PCDH9: variants seen among roughly 807,000 people sequenced by gnomAD.
PCDH9 encodes the protein protocadherin-9.
PCDH9 carries 24 observed loss-of-function variants against 70.6 expected under a neutral mutation model. The ratio of observed to expected loss-of-function variants is 0.34; its 90% CI spans 0.25 to 0.48. The LOEUF (loss-of-function observed/expected upper bound fraction) is 0.48, where lower values mean the gene tolerates loss of function less well. PCDH9 is among the 20% of genes least tolerant of loss of function. The pLI is 0.99. For missense variants in PCDH9, 1,281 were observed against 1,503.6 expected, an observed-to-expected ratio of 0.85 and a Z score of 2.45; for synonymous variants, 562 against 558.5, an observed-to-expected ratio of 1.01 and a Z score of -0.09.
chr13:66,725,449 G>A (rs1055145687), intron 3 of PCDH9, among the ~76,000 whole-genome samples: 1 of 152,104 alleles, frequency 6.6e-6, no homozygotes, highest in Non-Finnish European at 1.5e-5. Context: ...CAGAGTGAAT[G>A]ACAAGCTTTT....
intron 2 of PCDH9, among the ~76,000 whole-genome samples, chr13:67,168,417 GT>G: frequency 6.6e-6 from 1 of 152,244 alleles, no homozygotes; most frequent in African/African-American, 2.4e-5. Context: ...AAGAATATCA[GT>G]GACCTTAAAA....
chr13:66,963,171 G>GT (rs2083376188), intron 2 of PCDH9, among the ~76,000 whole-genome samples: 2 of 152,240 alleles, frequency 1.3e-5, no homozygotes, highest in Non-Finnish European at 2.9e-5. Flanking sequence ...GAGAGCAGCT[G>GT]TAAGTACAGA....
chr13:66,608,545 C>T (rs527936503), intron 4 of PCDH9, among the ~76,000 whole-genome samples: 4 of 151,858 alleles, frequency 2.6e-5, no homozygotes, highest in Admixed American at 1.3e-4. Context: ...GAGGACAAGT[C>T]GCATCATTCA....
At chr13:66,550,233 T>G (rs1260431918) in intron 4 of PCDH9, among the ~76,000 whole-genome samples, 1 of 152,098 alleles carries the variant, frequency 6.6e-6, no homozygotes, top group African/African-American at 2.4e-5. Context: ...CAGGAATAAA[T>G]TCAAGTAATA....
chr13:66,652,139 A>G (rs2138993263), intron 3 of PCDH9, among the ~76,000 whole-genome samples: 1 of 152,212 alleles, frequency 6.6e-6, no homozygotes, highest in South Asian at 2.1e-4. Context: ...CATATTACTG[A>G]AAATCCTAGT....
chr13:67,194,201 T>C (rs1278937097), intron 2 of PCDH9, among the ~76,000 whole-genome samples: 2 of 152,158 alleles, frequency 1.3e-5, no homozygotes, highest in Admixed American at 6.5e-5. Flanking sequence ...TATTGACTTG[T>C]TGATTACTGC....
Position 66,740,688 on chromosome 13 carries a change from T to TG in PCDH9, c.3139-109278_3139-109277insC, listed in dbSNP as rs1452437457. On this transcript the variant is annotated intron_variant, in intron 3 of 4. Coordinates refer to ENST00000377865, the MANE Select transcript of PCDH9 (RefSeq NM_203487.3). The stretch of plus-strand genomic sequence containing the variant: ...CCACTGATCCCACAGAAATACAAAC[T>TG]ACCATCAGAGAATACTACAAACAAC... 2.4e-4 allele frequency among the ~76,000 whole-genome samples: 37 copies of TG among 151,788 alleles called. 1 individual carries two copies. Among genetic ancestry groups the TG allele is most frequent in the Admixed American group, 2.4e-3 (37 of 15,230 alleles).
At chr13:66,780,460 A>T (rs2079980478) in intron 3 of PCDH9, among the ~76,000 whole-genome samples, 1 of 152,138 alleles carries the variant, frequency 6.6e-6, no homozygotes, top group African/African-American at 2.4e-5. Context: ...GCCATTCTTT[A>T]AGCAACCAGA....
At chr13:67,028,302 G>A (rs879699505) in intron 2 of PCDH9, among the ~76,000 whole-genome samples, 371 of 147,364 alleles carry the variant, frequency 2.5e-3, no homozygotes, top group Non-Finnish European at 3.3e-3. Context: ...ATCATTCTCA[G>A]TAAACTATCG....
chr13:66,587,733 A>T (rs1448752485), intron 4 of PCDH9, among the ~76,000 whole-genome samples: 1 of 151,792 alleles, frequency 6.6e-6, no homozygotes, highest in Non-Finnish European at 1.5e-5. Flanking sequence ...TTCCTAAATG[A>T]TCTTTTTTCA....
At chr13:66,490,028 C>G (rs765791610) in intron 4 of PCDH9, among the ~76,000 whole-genome samples, 18 of 152,184 alleles carry the variant, frequency 1.2e-4, no homozygotes, top group Non-Finnish European at 2.1e-4. Context: ...ATGTGCACAA[C>G]GTGCAGATTT....
chr13:67,157,671 GA>G (rs890834589), intron 2 of PCDH9, among the ~76,000 whole-genome samples: 1 of 152,006 alleles, frequency 6.6e-6, no homozygotes, highest in Non-Finnish European at 1.5e-5. Context: ...GAGAATTAAT[GA>G]AAAAAATACA....
chr13:66,487,403 T>C (rs1958961750), intron 4 of PCDH9, among the ~76,000 whole-genome samples: 1 of 152,198 alleles, frequency 6.6e-6, no homozygotes, highest in Non-Finnish European at 1.5e-5. Context: ...TTTATAGATA[T>C]TGACTTACTA....
chr13:66,675,727 G>T (rs2139047784), intron 3 of PCDH9, among the ~76,000 whole-genome samples: 1 of 152,178 alleles, frequency 6.6e-6, no homozygotes, highest in African/African-American at 2.4e-5. Context: ...TAGGCACTTA[G>T]CCAATATTAC....
chr13:66,991,013 T>C (rs941368873), intron 2 of PCDH9: 5 of 152,070 alleles, frequency 3.3e-5, no homozygotes, highest in African/African-American at 1.2e-4. Context: ...CTCATCTGAA[T>C]ATATTTTTAA....
At chr13:67,042,252 C>T (rs1201895516) in intron 2 of PCDH9, among the ~76,000 whole-genome samples, 2 of 151,988 alleles carry the variant, frequency 1.3e-5, no homozygotes, top group South Asian at 2.1e-4. Context: ...AAGAACTGCC[C>T]GAGACTGGGT....
chr13:66,881,029 A>G (rs1032326988), intron 3 of PCDH9, among the ~76,000 whole-genome samples: 1 of 152,196 alleles, frequency 6.6e-6, no homozygotes, highest in Non-Finnish European at 1.5e-5. Context: ...TTGAGTTTTC[A>G]ATGAGATAAT....
intron 2 of PCDH9, among the ~76,000 whole-genome samples, chr13:67,020,721 C>G (rs182760365): frequency 6.6e-6 from 1 of 152,206 alleles, no homozygotes; most frequent in Non-Finnish European, 1.5e-5. Context: ...GTCAATCTAG[C>G]CAGTTATAAC....
Position 66,568,994 on chromosome 13 carries a change from CTTTTTTTT to C in PCDH9, c.3340+62208_3340+62215del, listed in dbSNP as rs61067249. Among the ~76,000 whole-genome samples the C allele has an allele frequency of 1.5e-4, 9 of 58,320 alleles. 1 individual carries two copies. In the South Asian group the frequency reaches 6.0e-3, roughly 39 times the overall value. 38.3% of individuals were successfully genotyped at this position (58,320 alleles called of 152,430 possible). On this transcript the variant is annotated intron_variant, in intron 4 of 4. Coordinates refer to ENST00000377865, the MANE Select transcript of PCDH9 (RefSeq NM_203487.3). ...TAACCTTCTGTTCTTGGAAACATGT[CTTTTTTTT>C]TTTTTTTTTTTTTTTTTGAGATGGG...
Sources: allele counts gnomAD v4.1 joint callset (sites outside exome capture counted in the v4.1 genomes callset), GRCh38; gene constraint gnomAD v4.1.1; transcripts MANE v1.5; gene names NCBI Gene and HGNC (gene_info 2026-07-23, HGNC 2026-07-21).